MAPK10: variants seen among roughly 807,000 people sequenced by gnomAD.
MAPK10 encodes JNK3 alpha protein kinase.
A neutral mutation model predicts 59.3 loss-of-function variants in MAPK10; 25 were observed. That is an observed-to-expected ratio of 0.42 (90% CI 0.31 to 0.59). The LOEUF is 0.59. Among genes scored for constraint, MAPK10 ranks in the 20% least tolerant of loss-of-function variants. The pLI, the probability that MAPK10 is intolerant of heterozygous loss-of-function variation, is 0.15. For synonymous variants in MAPK10, 190 were observed against 200.5 expected, an observed-to-expected ratio of 0.95 and a Z score of 0.44; for missense variants, 351 against 568.9, an observed-to-expected ratio of 0.62 and a Z score of 3.90.
chr4:86,324,803 C>T (rs2095984389), intron 2 of MAPK10, among the ~76,000 whole-genome samples: 1 of 152,176 alleles, frequency 6.6e-6, no homozygotes, highest in Admixed American at 6.5e-5. Context: ...CTTGCCTCTA[C>T]TTACAATCTA....
At chr4:86,415,698 T>C (rs1185584644) in intron 1 of MAPK10, among the ~76,000 whole-genome samples, 1 of 152,220 alleles carries the variant, frequency 6.6e-6, no homozygotes, top group East Asian at 1.9e-4. Flanking sequence ...GGTGACCATA[T>C]ATTTTCTCTC....
At position 86,145,254 on chromosome 4, in the gene MAPK10, C is replaced by T. The variant is rs374683131; in HGVS notation, c.236+14044G>A. On this transcript the variant is annotated intron_variant, in intron 4 of 13. Transcript: ENST00000641462. ...GCGCGCGCCTGTAGTCCCAGCTACA[C>T]GGGAGGCTGAGGCAGGAGAATGGCG... is the stretch of plus-strand genomic sequence containing the variant. Among the ~76,000 whole-genome samples, 12 of 90,726 alleles carry T rather than the reference C, an allele frequency of 1.3e-4. No individual in the cohort carries two copies. The East Asian group carries it at 2.8e-3, about 21-fold the overall frequency. 59.5% of individuals were successfully genotyped at this position (90,726 alleles called of 152,430 possible). A position where few individuals can be genotyped will look rare whatever the true frequency, so the allele number is the denominator to read the frequency against.
intron 2 of MAPK10, among the ~76,000 whole-genome samples, chr4:86,275,298 T>C (rs2094541032): frequency 1.3e-5 from 2 of 152,044 alleles, no homozygotes; most frequent in Non-Finnish European, 2.9e-5. Flanking sequence ...GCAAGGTCAC[T>C]AGATGTTTCC....
intron 1 of MAPK10, among the ~76,000 whole-genome samples, chr4:86,503,304 A>G (rs1267625806): frequency 6.6e-6 from 1 of 152,074 alleles, no homozygotes; most frequent in East Asian, 1.9e-4. Flanking sequence ...TGTCAGTTCC[A>G]TTCTCACCTT....
chr4:86,385,266 A>G lies in MAPK10; in HGVS notation c.-121-30622T>C, dbSNP rs1257617829. Among the ~76,000 whole-genome samples the G allele has an allele frequency of 3.3e-5, 5 of 152,190 alleles. No homozygotes were observed. In the East Asian group the frequency reaches 7.7e-4, roughly 23 times the overall value. ...TTGGCAAATTCCTACTTGTTATTCA[A>G]CTATTTTAGTTTACCAACCATTGCT... On this transcript the variant is annotated intron_variant, in intron 1 of 13. Transcript: ENST00000361569.
Position 86,016,837 on chromosome 4 carries a change from G to T in MAPK10, c.*391C>A. On this transcript the variant is annotated 3_prime_UTR_variant, in exon 14 of 14. Coordinates refer to ENST00000641462, the MANE Select transcript of MAPK10 (RefSeq NM_138982.4). ...AAGGAGCAGGTAGATGCAAGATAGA[G>T]ACACACACATGCTGGATGGGGCCAC... 5.0e-6 allele frequency: 1 copy of T among 201,734 alleles called. No individual in the cohort carries two copies. The highest frequency in any genetic ancestry group is 1.0e-5 in the Non-Finnish European group (1 of 97,546). The allele number at this position is 201,734 out of a possible 1,614,324, so 12.5% of individuals were successfully genotyped here. A position where few individuals can be genotyped will look rare whatever the true frequency, so the allele number is the denominator to read the frequency against.
chr4:86,231,373 G>A (rs747728018), intron 2 of MAPK10, among the ~76,000 whole-genome samples: 28 of 151,946 alleles, frequency 1.8e-4, no homozygotes, highest in Admixed American at 2.0e-4. Flanking sequence ...ACAATTGTAG[G>A]GGCTGGACGC....
chr4:86,186,012 T>C (rs2149295317), intron 3 of MAPK10, among the ~76,000 whole-genome samples: 1 of 152,220 alleles, frequency 6.6e-6, no homozygotes, highest in South Asian at 2.1e-4. Flanking sequence ...ATGATAATGA[T>C]AATATTTAAA....
At chr4:86,431,706 G>A (rs1748068197) in intron 1 of MAPK10, among the ~76,000 whole-genome samples, 1 of 152,160 alleles carries the variant, frequency 6.6e-6, no homozygotes, top group Non-Finnish European at 1.5e-5. Context: ...GAGGAGTAAA[G>A]GAAACAGGAA....
intron 2 of MAPK10, among the ~76,000 whole-genome samples, chr4:86,202,647 A>G (rs964315249): frequency 2.6e-5 from 4 of 152,042 alleles, no homozygotes; most frequent in African/African-American, 7.2e-5. Context: ...TCCAAGCACA[A>G]TGACTTCAGA....
intron 11 of MAPK10, among the ~76,000 whole-genome samples, chr4:86,041,433 A>C (rs1346737570): frequency 6.6e-6 from 1 of 152,206 alleles, no homozygotes; most frequent in East Asian, 1.9e-4. Context: ...CAAAGACCTC[A>C]TTACTAAAAC....
rs376106447 is a variant in MAPK10, at chr4:86,203,500, A to G, written c.-6-9093T>C. 4.0e-5 allele frequency among the ~76,000 whole-genome samples: 6 copies of G among 151,746 alleles called. No homozygotes were observed. The East Asian group carries it at 1.2e-3, about 30-fold the overall frequency. ...ATTCCATGGTTTGTCACTGAACTGC[A>G]ATATATACAAGGAAAAACCATGAAC... On this transcript the variant is annotated intron_variant, in intron 2 of 13. Coordinates refer to ENST00000641462, the MANE Select transcript of MAPK10 (RefSeq NM_138982.4).
At chr4:86,113,166 C>T (rs2057780139) in intron 4 of MAPK10, among the ~76,000 whole-genome samples, 1 of 152,034 alleles carries the variant, frequency 6.6e-6, no homozygotes, top group African/African-American at 2.4e-5. Flanking sequence ...GTCTTTTTAT[C>T]CAGCTTGCCA....
intron 2 of MAPK10, among the ~76,000 whole-genome samples, chr4:86,274,768 A>G (rs1049768368): frequency 7.9e-5 from 12 of 151,958 alleles, no homozygotes; most frequent in African/African-American, 2.7e-4. Context: ...TGTTACACAC[A>G]TATCACCTCT....
intron 1 of MAPK10, among the ~76,000 whole-genome samples, chr4:86,460,535 G>T (rs1347197896): frequency 6.6e-6 from 1 of 152,218 alleles, no homozygotes; most frequent in African/African-American, 2.4e-5. Context: ...GCTGGGAACA[G>T]GCCCCCAAAT....
chr4:86,373,846 G>C (rs1489803147), intron 1 of MAPK10, among the ~76,000 whole-genome samples: 2 of 152,294 alleles, frequency 1.3e-5, no homozygotes, highest in East Asian at 3.9e-4. Context: ...AGACAGTGTG[G>C]CGATTCCTCA....
Position 86,011,517 on chromosome 4 carries a change from A to C in MAPK10, c.*5711T>G, listed in dbSNP as rs1276672855. On this transcript the variant is annotated 3_prime_UTR_variant, in exon 14 of 14. Transcript: ENST00000641462. ...ACACCCTTTTTTCTCCTTACTGTGA[A>C]CTTGGTCAAAATTACCAAATGTTTG... 6.6e-6 allele frequency: 1 copy of C among 152,226 alleles called. No homozygotes were observed. 9.4% of individuals were successfully genotyped at this position (152,226 alleles called of 1,614,324 possible).
At chr4:86,318,008 A>G (rs1443583722) in intron 2 of MAPK10, among the ~76,000 whole-genome samples, 1 of 151,854 alleles carries the variant, frequency 6.6e-6, no homozygotes, top group East Asian at 1.9e-4. Flanking sequence ...CTGTCTTCCC[A>G]TTGCCTTCTC....
chr4:86,257,311 T>G (rs1411598254), intron 2 of MAPK10, among the ~76,000 whole-genome samples: 3 of 152,182 alleles, frequency 2.0e-5, no homozygotes, highest in Non-Finnish European at 4.4e-5. Flanking sequence ...TGGGTTACGG[T>G]AAATTGGTAA....
Sources: gnomAD v4.1 joint callset for allele counts (sites outside exome capture counted in the v4.1 genomes callset) on GRCh38, gnomAD v4.1.1 for gene constraint, MANE v1.5 for transcripts, NCBI Gene and HGNC (gene_info 2026-07-23, HGNC 2026-07-21) for gene names.